The following PAX7 variants were observed in gnomAD, a reference collection of about 807,000 sequenced individuals.
PAX7 encodes the protein paired box 7, also known as paired box protein Pax-7.
Under a neutral mutation model 50.7 loss-of-function variants are expected in PAX7, and 18 were observed. The observed-to-expected ratio is 0.36, with a 90% CI of 0.25 to 0.53. The LOEUF is 0.53. Among genes scored for constraint, PAX7 ranks in the 20% least tolerant of loss-of-function variants. The pLI, the probability that PAX7 is intolerant of heterozygous loss-of-function variation, is 0.93. For missense variants in PAX7, 644 were observed against 702.9 expected, an observed-to-expected ratio of 0.92 and a Z score of 0.95; for synonymous variants, 310 against 290.4, an observed-to-expected ratio of 1.07 and a Z score of -0.69.
chr1:18,675,901 G>T (rs2088815956), intron 4 of PAX7, among the ~76,000 whole-genome samples: 1 of 152,176 alleles, frequency 6.6e-6, no homozygotes, highest in African/African-American at 2.4e-5. Context: ...CCCCTGATCA[G>T]GGCAGGTGAC....
chr1:18,708,544 G>C (rs1224636485), intron 7 of PAX7, among the ~76,000 whole-genome samples: 2 of 152,122 alleles, frequency 1.3e-5, no homozygotes, highest in African/African-American at 2.4e-5. Flanking sequence ...GACAGAGAGA[G>C]ACCCTGTCTC....
At chr1:18,676,028 C>T (rs187647796) in intron 4 of PAX7, among the ~76,000 whole-genome samples, 192 of 152,262 alleles carry the variant, frequency 1.3e-3, no homozygotes, top group Non-Finnish European at 2.1e-3. Context: ...TGACATAATA[C>T]GTAACAGTAA....
intron 4 of PAX7, among the ~76,000 whole-genome samples, chr1:18,664,931 A>G (rs1336975844): frequency 6.6e-6 from 1 of 152,048 alleles, no homozygotes; most frequent in African/African-American, 2.4e-5. Flanking sequence ...CTTTGGTTCC[A>G]GTGATTCTAA....
At chr1:18,662,331 C>T (rs978804737) in intron 4 of PAX7, among the ~76,000 whole-genome samples, 4 of 152,180 alleles carry the variant, frequency 2.6e-5, no homozygotes, top group Admixed American at 6.5e-5. Flanking sequence ...TTGGAGAATG[C>T]GCGGGGCAAT....
At chr1:18,686,065 C>T (rs1188642576) in intron 4 of PAX7, among the ~76,000 whole-genome samples, 1 of 152,204 alleles carries the variant, frequency 6.6e-6, no homozygotes, top group Non-Finnish European at 1.5e-5. Context: ...GCTGCTTTAA[C>T]GAGCCACAAG....
rs2089701255 is a variant in PAX7, at chr1:18,735,691, C to T, written c.1215C>T (p.Ser405=). 3.1e-6 allele frequency: 5 copies of T among 1,614,166 alleles called. No individual in the cohort carries two copies. Among genetic ancestry groups the T allele is most frequent in the Non-Finnish European group, 4.2e-6 (5 of 1,180,026 alleles). The change falls in exon 8 of 9, where the codon TCC becomes TCT. Residue 405 remains serine, a synonymous_variant. Coordinates refer to ENST00000420770, the MANE Select transcript of PAX7 (RefSeq NM_001135254.2). The surrounding 1 kb of genome is among the most constrained non-coding windows in gnomAD (Gnocchi z 4.0). Reference sequence around the variant, plus strand: ...CCCCGCAGCCACAGGCTGACTTCTCCATCTCCCCGCTGCATGGCGGCCTGG... The same window carrying T: ...CCCCGCAGCCACAGGCTGACTTCTCTATCTCCCCGCTGCATGGCGGCCTGG... ...AVPPQPQADF[S]ISPLHGGLDS...
intron 5 of PAX7, among the ~76,000 whole-genome samples, chr1:18,694,849 A>C (rs1041341883): frequency 6.6e-6 from 1 of 152,214 alleles, no homozygotes; most frequent in Non-Finnish European, 1.5e-5. Flanking sequence ...TGAGATTCCC[A>C]TTACCAGAAG....
At chr1:18,714,776 C>A (rs925908733) in intron 7 of PAX7, among the ~76,000 whole-genome samples, 16 of 152,222 alleles carry the variant, frequency 1.1e-4, no homozygotes, top group African/African-American at 3.9e-4. Flanking sequence ...GTTGTACATC[C>A]GCACCTCCTT....
At chr1:18,739,694 A>G (rs957517801) in intron 8 of PAX7, among the ~76,000 whole-genome samples, 1 of 152,176 alleles carries the variant, frequency 6.6e-6, no homozygotes, top group African/African-American at 2.4e-5. Flanking sequence ...CCAAACTCTT[A>G]GGCCCCAGAG....
At chr1:18,641,933 G>A (rs964402177) in intron 4 of PAX7, among the ~76,000 whole-genome samples, 6 of 149,720 alleles carry the variant, frequency 4.0e-5, no homozygotes. Context: ...CTGCATCGCA[G>A]CGTTAAACCC....
chr1:18,651,308 A>G (rs1237991390), intron 4 of PAX7, among the ~76,000 whole-genome samples: 1 of 152,244 alleles, frequency 6.6e-6, no homozygotes, highest in African/African-American at 2.4e-5. Flanking sequence ...GCATTGTCTC[A>G]TCGGTGGCTC....
Position 18,700,032 on chromosome 1 carries a change from G to C in PAX7, c.787-621G>C, listed in dbSNP as rs1158663486. 6.6e-6 allele frequency among the ~76,000 whole-genome samples: 1 copy of C among 152,038 alleles called. No individual in the cohort carries two copies. Among genetic ancestry groups the C allele is most frequent in the Non-Finnish European group, 1.5e-5 (1 of 68,022 alleles). ...ACGTGAAGTGCCAGCACAGGAAGGG[G>C]AGACAAAAATGTTGGGTTATTATCC... On this transcript the variant is annotated intron_variant, in intron 5 of 8. Transcript: ENST00000420770. The surrounding 1 kb of genome is among the most constrained non-coding windows in gnomAD (Gnocchi z 4.8).
intron 7 of PAX7, 61 bp downstream of exon 7, chr1:18,703,357 C>G: frequency 6.8e-7 from 1 of 1,464,916 alleles, no homozygotes; most frequent in Non-Finnish European, 9.5e-7. Context: ...CATCTGCAGA[C>G]AGCACGTGGG....
chr1:18,665,586 G>A (rs949847267), intron 4 of PAX7, among the ~76,000 whole-genome samples: 1 of 151,842 alleles, frequency 6.6e-6, no homozygotes, highest in African/African-American at 2.4e-5. Flanking sequence ...TGTTGGCCAG[G>A]ATGGTCTCCA....
chr1:18,640,530 G>A (rs1287642639), intron 4 of PAX7, among the ~76,000 whole-genome samples: 2 of 151,950 alleles, frequency 1.3e-5, no homozygotes, highest in Non-Finnish European at 2.9e-5. Context: ...AGGGGACGAG[G>A]ATAGTCCATT....
chr1:18,725,302 G>C (rs991069219), intron 7 of PAX7, among the ~76,000 whole-genome samples: 4 of 106,342 alleles, frequency 3.8e-5, no homozygotes, highest in South Asian at 3.6e-4. Flanking sequence ...AGGTGGAGAC[G>C]CCCCCCCCCC....
At chr1:18,708,425 C>T (rs960931785) in intron 7 of PAX7, among the ~76,000 whole-genome samples, 23 of 152,016 alleles carry the variant, frequency 1.5e-4, no homozygotes, top group Non-Finnish European at 2.9e-4. Context: ...TACGGTGGGG[C>T]GAGCCTGTGG....
intron 4 of PAX7, among the ~76,000 whole-genome samples, chr1:18,681,459 C>T (rs543235275): frequency 6.6e-4 from 100 of 152,266 alleles, no homozygotes; most frequent in East Asian, 6.4e-3. Flanking sequence ...GGGTCTGCCA[C>T]GAGAATACAG....
At chr1:18,670,403 C>T (rs2088727203) in intron 4 of PAX7, among the ~76,000 whole-genome samples, 1 of 152,108 alleles carries the variant, frequency 6.6e-6, no homozygotes, top group Non-Finnish European at 1.5e-5. Flanking sequence ...CTTTTGTTTG[C>T]CCTGCCCAGG....
Sources: gnomAD v4.1 joint callset for allele counts (sites outside exome capture counted in the v4.1 genomes callset) on GRCh38, gnomAD v4.1.1 for gene constraint, Gnocchi (gnomAD v3.1) non-coding constraint, MANE v1.5 for transcripts, NCBI Gene and HGNC (gene_info 2026-07-23, HGNC 2026-07-21) for gene names.